The following PCCB variants were observed in gnomAD, a reference collection of about 807,000 sequenced individuals.
PCCB encodes the protein propionyl-CoA carboxylase subunit beta, also known as propionyl-CoA carboxylase beta chain, mitochondrial.
Under a neutral mutation model 60.7 loss-of-function variants are expected in PCCB, and 43 were observed. That is an observed-to-expected ratio of 0.71 (90% CI 0.55 to 0.91). The LOEUF is 0.91. Among genes scored for constraint, PCCB ranks in the 40% least tolerant of loss-of-function variants. The probability of loss-of-function intolerance (pLI) is 0.00; values close to 1 mark genes in which losing one functional copy is unlikely to be tolerated. For synonymous variants in PCCB, 276 were observed against 255.9 expected (o/e 1.08, Z -0.75); for missense variants, 766 against 702.8 (o/e 1.09, Z -1.02).
intron 10 of PCCB, among the ~76,000 whole-genome samples, chr3:136,317,652 C>A (rs1348342148): frequency 2.0e-5 from 3 of 152,160 alleles, no homozygotes; most frequent in South Asian, 4.1e-4. Flanking sequence ...TCTGTTCCCC[C>A]CTACCCCCAG....
intron 9 of PCCB, among the ~76,000 whole-genome samples, chr3:136,309,836 T>G (rs1204605907): frequency 1.3e-5 from 2 of 151,504 alleles, no homozygotes; most frequent in Non-Finnish European, 2.9e-5. Context: ...CAAGATACAT[T>G]GGAAAATTTG....
In PCCB at chr3:136,304,131, A is replaced by G. The variant is rs1376208292; in HGVS notation, c.966+3020A>G. Among the ~76,000 whole-genome samples, 6 of 112,568 alleles carry G rather than the reference A, an allele frequency of 5.3e-5. 1 individual carries two copies. Among genetic ancestry groups the G allele is most frequent in the African/African-American group, 1.6e-4 (6 of 38,116 alleles). 73.8% of individuals were successfully genotyped at this position (112,568 alleles called of 152,430 possible). A position where few individuals can be genotyped will look rare whatever the true frequency, so the allele number is the denominator to read the frequency against. On this transcript the variant is annotated intron_variant, in intron 9 of 14. Transcript: ENST00000251654. ...TTGCTCTCAGTGCATGCAGAAAGAGATCTCTGGTATCTCTTCGTCTTTTTT... is the reference window on the plus strand; with the variant it reads ...TTGCTCTCAGTGCATGCAGAAAGAGGTCTCTGGTATCTCTTCGTCTTTTTT...
At chr3:136,315,921 A>G (rs535145569) in intron 9 of PCCB, among the ~76,000 whole-genome samples, 3 of 151,898 alleles carry the variant, frequency 2.0e-5, no homozygotes, top group African/African-American at 7.3e-5. Context: ...TTATATATAT[A>G]TAAAAGAGAG....
At chr3:136,299,941 C>T (rs1934179825) in intron 8 of PCCB, among the ~76,000 whole-genome samples, 1 of 151,540 alleles carries the variant, frequency 6.6e-6, no homozygotes, top group East Asian at 1.9e-4. Context: ...TATGTATACG[C>T]ATATGCATAC....
At chr3:136,284,043 C>T (rs1188443163) in intron 6 of PCCB, 96 bp downstream of exon 6, 3 of 804,504 alleles carry the variant, frequency 3.7e-6, no homozygotes, top group Non-Finnish European at 6.5e-6. Flanking sequence ...AGGTTGTTAC[C>T]TGCATTCTCA....
At chr3:136,259,595 CT>C (rs1371433669) in intron 3 of PCCB, among the ~76,000 whole-genome samples, 7 of 152,178 alleles carry the variant, frequency 4.6e-5, no homozygotes, top group African/African-American at 1.4e-4. Context: ...CAAATCATTT[CT>C]TTTTTTTCCT....
At chr3:136,287,404 T>C (rs889102826) in intron 6 of PCCB, among the ~76,000 whole-genome samples, 1 of 151,998 alleles carries the variant, frequency 6.6e-6, no homozygotes, top group African/African-American at 2.4e-5. Flanking sequence ...AGTGTGTGTG[T>C]GTGTTTTTTC....
intron 5 of PCCB, among the ~76,000 whole-genome samples, chr3:136,282,635 T>G (rs1251228001): frequency 6.6e-6 from 1 of 152,248 alleles, no homozygotes; most frequent in Admixed American, 6.5e-5. Flanking sequence ...CTCAAAACAG[T>G]GTTAATTATT....
At chr3:136,259,045 C>T in intron 3 of PCCB, 2 of 763,918 alleles carry the variant, frequency 2.6e-6, no homozygotes, top group South Asian at 6.2e-5. Flanking sequence ...TCCTAACTGT[C>T]TTTTTGAGGG....
chr3:136,263,461 G>A (rs1406709636), intron 5 of PCCB, among the ~76,000 whole-genome samples: 1 of 151,106 alleles, frequency 6.6e-6, no homozygotes, highest in Admixed American at 6.6e-5. Flanking sequence ...TTATAGAGGC[G>A]GGGTTTTGCC....
At chr3:136,324,915 CAG>C (rs1935248026) in intron 10 of PCCB, among the ~76,000 whole-genome samples, 1 of 152,144 alleles carries the variant, frequency 6.6e-6, no homozygotes, top group African/African-American at 2.4e-5. Context: ...TTTTTTGAGA[CAG>C]AGTCTCACTC....
rs114371974 is a variant in PCCB, at chr3:136,290,162, T to G, written c.655-3594T>G. ...ATATAAGTTTCTGATCTTTATCATT[T>G]ACCTTTTCTGTAAAGAATTTTGCTT... On this transcript the variant is annotated intron_variant, in intron 6 of 14. Transcript: ENST00000251654. Among the ~76,000 whole-genome samples the G allele has an allele frequency of 7.0e-3, 1,062 of 152,356 alleles. 15 individuals are homozygous for G. Among genetic ancestry groups the G allele is most frequent in the African/African-American group, 0.024 (981 of 41,580 alleles).
chr3:136,273,564 CCTT>C (rs1211440854), intron 5 of PCCB, among the ~76,000 whole-genome samples: 2 of 137,344 alleles, frequency 1.5e-5, no homozygotes, highest in African/African-American at 5.4e-5. Flanking sequence ...TATATAATGA[CCTT>C]CTTTTTCTTT....
chr3:136,328,920 A>G (rs138994622), intron 14 of PCCB, 63 bp downstream of exon 14: 5 of 1,323,482 alleles, frequency 3.8e-6, no homozygotes, highest in East Asian at 2.3e-5. Flanking sequence ...TTCTTTCTCT[A>G]CAGAAATTGT....
chr3:136,250,354 G>A lies in PCCB; in HGVS notation c.-22G>A. On this transcript the variant is annotated 5_prime_UTR_variant, in exon 1 of 15. Coordinates refer to ENST00000251654, the MANE Select transcript of PCCB (RefSeq NM_000532.5). ...CATGCGTACTCAGGTGCGCCGGTAG[G>A]GGACGCGCCGGCACAGCAAAAATGG... The A allele has an allele frequency of 6.7e-7, 1 of 1,493,630 alleles. No homozygotes were observed. The highest frequency in any genetic ancestry group is 9.0e-7 in the Non-Finnish European group (1 of 1,116,738). 92.5% of individuals were successfully genotyped at this position (1,493,630 alleles called of 1,614,324 possible). A position where few individuals can be genotyped will look rare whatever the true frequency, so the allele number is the denominator to read the frequency against.
rs577064596 is a variant in PCCB, at chr3:136,252,681, T to C, written c.183+2123T>C. On this transcript the variant is annotated intron_variant, in intron 1 of 14. Coordinates refer to ENST00000251654, the MANE Select transcript of PCCB (RefSeq NM_000532.5). ...CAGCTAATTTTTTTTTTTTTTTTTT[T>C]TTGGTAGAGACAGGGTCTCGCTTTG... Among the ~76,000 whole-genome samples the C allele has an allele frequency of 5.3e-5, 8 of 150,426 alleles. No homozygotes were observed. In the South Asian group the frequency reaches 1.5e-3, roughly 28 times the overall value.
chr3:136,254,878 C>CT lies in PCCB; in HGVS notation c.184-964dup, dbSNP rs113195311. Among the ~76,000 whole-genome samples the CT allele has an allele frequency of 8.5e-3, 1,191 of 139,652 alleles. 18 individuals carry two copies. The highest frequency in any genetic ancestry group is 0.026 in the African/African-American group (971 of 38,016). 91.6% of individuals were successfully genotyped at this position (139,652 alleles called of 152,430 possible). A position where few individuals can be genotyped will look rare whatever the true frequency, so the allele number is the denominator to read the frequency against. ...CTCTGACCTCATCTCCTCAAAGAAG[C>CT]TTTTTTTTTTTTTTGGGACGGAGTT... On this transcript the variant is annotated intron_variant, in intron 1 of 14. Transcript: ENST00000251654.
At chr3:136,266,484 T>G (rs779479525) in intron 5 of PCCB, among the ~76,000 whole-genome samples, 8 of 152,106 alleles carry the variant, frequency 5.3e-5, no homozygotes, top group Non-Finnish European at 1.2e-4. Flanking sequence ...TACAGTGGCA[T>G]GATCACAGCT....
chr3:136,309,940 A>G (rs1934596595), intron 9 of PCCB, among the ~76,000 whole-genome samples: 1 of 152,108 alleles, frequency 6.6e-6, no homozygotes, highest in Non-Finnish European at 1.5e-5. Flanking sequence ...CTTCACCAAA[A>G]AGCACAAGGA....
Sources: allele counts gnomAD v4.1 joint callset (sites outside exome capture counted in the v4.1 genomes callset), GRCh38; gene constraint gnomAD v4.1.1; transcripts MANE v1.5; gene names NCBI Gene and HGNC (gene_info 2026-07-23, HGNC 2026-07-21).